The following ANO2 variants were observed in gnomAD, a reference collection of about 807,000 sequenced individuals.
ANO2 encodes the protein anoctamin-2.
In ANO2, 101 loss-of-function variants were observed where a neutral mutation model predicts 124.2. The observed-to-expected ratio is 0.81, with a 90% CI of 0.69 to 0.96. The LOEUF (loss-of-function observed/expected upper bound fraction) is 0.96, where lower values mean the gene tolerates loss of function less well. Among genes scored for constraint, ANO2 ranks in the 40% least tolerant of loss-of-function variants. ANO2 has a pLI of 0.00. For synonymous variants in ANO2, 486 were observed against 482.5 expected (o/e 1.01, Z -0.09); for missense variants, 1,293 against 1,274.5 (o/e 1.01, Z -0.22).
At chr12:5,746,875 C>T (rs1253512722) in intron 11 of ANO2, among the ~76,000 whole-genome samples, 1 of 152,146 alleles carries the variant, frequency 6.6e-6, no homozygotes, top group Non-Finnish European at 1.5e-5. Flanking sequence ...AAAAAATGTC[C>T]TAGTGTTCTC....
chr12:5,746,943 G>T (rs1199039055), intron 11 of ANO2, among the ~76,000 whole-genome samples: 2 of 152,208 alleles, frequency 1.3e-5, no homozygotes, highest in Admixed American at 6.5e-5. Flanking sequence ...AGACAGGGAA[G>T]TTCTATAGAG....
intron 20 of ANO2, among the ~76,000 whole-genome samples, chr12:5,596,183 T>C (rs1192289064): frequency 1.3e-5 from 2 of 152,148 alleles, no homozygotes; most frequent in African/African-American, 4.8e-5. Context: ...AAGATCAGCC[T>C]GAGCAACAAA....
At chr12:5,638,456 C>T (rs903780404) in intron 15 of ANO2, among the ~76,000 whole-genome samples, 3 of 85,164 alleles carry the variant, frequency 3.5e-5, no homozygotes, top group Non-Finnish European at 8.1e-5. Flanking sequence ...AGGATGGTCT[C>T]GATCTCCTGA....
chr12:5,920,036 AATGGATGGATGGATGG>A lies in ANO2; in HGVS notation c.534+988_534+1003del, dbSNP rs558209463. ...TTAAAGGATCACTGTGGTGTGGATA[AATGGATGGATGGATGG>A]ATGGATGGATGGATGGATGGATGGA... On this transcript the variant is annotated intron_variant, in intron 3 of 24. Transcript: ENST00000682330. 3.5e-3 allele frequency among the ~76,000 whole-genome samples: 506 copies of A among 145,622 alleles called. 1 individual carries two copies. Among genetic ancestry groups the A allele is most frequent in the African/African-American group, 5.4e-3 (212 of 39,624 alleles).
chr12:5,669,893 C>G (rs1242915483), intron 14 of ANO2, among the ~76,000 whole-genome samples: 2 of 152,214 alleles, frequency 1.3e-5, no homozygotes, highest in Non-Finnish European at 2.9e-5. Flanking sequence ...GAAAGTAACT[C>G]ACTAAGTGTC....
At chr12:5,832,158 C>G (rs10774376) in intron 5 of ANO2, among the ~76,000 whole-genome samples, 121,777 of 152,180 alleles carry the variant, frequency 0.8, 49,033 homozygotes, top group East Asian at 0.98. Flanking sequence ...CTTTCTCACA[C>G]AGTTCCAAAG....
intron 3 of ANO2, among the ~76,000 whole-genome samples, chr12:5,882,725 G>C (rs983055413): frequency 6.6e-6 from 1 of 152,176 alleles, no homozygotes; most frequent in Non-Finnish European, 1.5e-5. Context: ...CAGCCAAGTC[G>C]CCCACATCCC....
At chr12:5,638,932 C>T (rs565313906) in intron 15 of ANO2, among the ~76,000 whole-genome samples, 24 of 152,272 alleles carry the variant, frequency 1.6e-4, no homozygotes, top group Admixed American at 1.1e-3. Flanking sequence ...CGCCACCCTC[C>T]GGAACTTGCA....
chr12:5,718,166 C>T (rs777884755), intron 14 of ANO2, among the ~76,000 whole-genome samples: 108 of 152,346 alleles, frequency 7.1e-4, no homozygotes, highest in African/African-American at 1.5e-3. Context: ...ATGTGCTCCA[C>T]GTTCTGAAAC....
chr12:5,938,592 A>T (rs1385749403), intron 1 of ANO2, among the ~76,000 whole-genome samples: 1 of 152,144 alleles, frequency 6.6e-6, no homozygotes, highest in Admixed American at 6.5e-5. Flanking sequence ...AGATCGAAGC[A>T]AATGGATTAC....
intron 1 of ANO2, among the ~76,000 whole-genome samples, chr12:5,935,897 C>T (rs1051873821): frequency 1.3e-5 from 2 of 152,180 alleles, no homozygotes; most frequent in Admixed American, 1.3e-4. Flanking sequence ...CTAACAGAGT[C>T]AAAACAGGGA....
In ANO2 at chr12:5,807,347, T is replaced by C. The variant is rs763455001; in HGVS notation, c.914A>G (p.Asn305Ser). Residue 305 changes from asparagine (N) to serine (S), a missense_variant, in exon 8 of 25, where the codon AAC becomes AGC. Physicochemically the swap from Asn to Ser is conservative, Grantham distance 46. Transcript: ENST00000682330. ...AGGGTAGGCAGCCTCATAGATATTGTTTGCGATCAGAGAGTTAATACCTAC... is the reference window on the plus strand; with the variant it reads ...AGGGTAGGCAGCCTCATAGATATTGCTTGCGATCAGAGAGTTAATACCTAC... ...NTMGINSLIA[N>S]NIYEAAYPLH... 24 of 1,556,944 alleles carry C rather than the reference T, an allele frequency of 1.5e-5. No homozygotes were observed. In the East Asian group the frequency reaches 4.6e-4, roughly 30 times the overall value.
rs759781524 is a variant in ANO2, at chr12:5,750,804, C to T, written c.1190+32G>A. 3.8e-6 allele frequency: 6 copies of T among 1,598,784 alleles called. No individual in the cohort carries two copies. The Admixed American group carries it at 1.0e-4, about 28-fold the overall frequency. ...GAAACTCCAAATTATTAACATATGG[C>T]AACTGAGCCCTTTTCTTTAAAACTG... On this transcript the variant is annotated intron_variant, in intron 11 of 24. Transcript: ENST00000682330.
At chr12:5,745,871 TAG>T (rs1394273146) in intron 11 of ANO2, among the ~76,000 whole-genome samples, 3 of 152,236 alleles carry the variant, frequency 2.0e-5, no homozygotes, top group Non-Finnish European at 4.4e-5. Context: ...GCTGGGTGAC[TAG>T]AGAGCCCAGT....
chr12:5,881,792 G>C (rs1270689391), intron 3 of ANO2: 1 of 152,228 alleles, frequency 6.6e-6, no homozygotes, highest in African/African-American at 2.4e-5. Flanking sequence ...TCAGCTGGAA[G>C]AATGTTCCTT....
rs189500377 is a variant in ANO2 at position 5,740,164 on chromosome 12, G to A, written c.1352-765C>T. 2.6e-4 allele frequency: 91 copies of A among 348,312 alleles called. No homozygotes were observed. The East Asian group carries it at 6.7e-3, about 26-fold the overall frequency. The allele number at this position is 348,312 out of a possible 1,614,324, so 21.6% of individuals were successfully genotyped here. A position where few individuals can be genotyped will look rare whatever the true frequency, so the allele number is the denominator to read the frequency against. Reference sequence around the variant, plus strand: ...AGCCATGGTTTGTTATACCAGGGCTGAACATCTGATGCAGGGCCTGCTGAT... The same window carrying A: ...AGCCATGGTTTGTTATACCAGGGCTAAACATCTGATGCAGGGCCTGCTGAT... On this transcript the variant is annotated intron_variant, in intron 12 of 24. Transcript: ENST00000682330.
intron 3 of ANO2, among the ~76,000 whole-genome samples, chr12:5,901,611 G>T (rs1940215747): frequency 6.6e-6 from 1 of 152,246 alleles, no homozygotes; most frequent in Non-Finnish European, 1.5e-5. Context: ...ACGACTGCAT[G>T]ATTCTGCAGA....
At chr12:5,697,235 C>A (rs1238030366) in intron 14 of ANO2, among the ~76,000 whole-genome samples, 1 of 152,038 alleles carries the variant, frequency 6.6e-6, no homozygotes, top group Non-Finnish European at 1.5e-5. Context: ...AGATCAAGAC[C>A]ATCCTGGCCA....
chr12:5,790,932 C>T (rs1011428023), intron 10 of ANO2, among the ~76,000 whole-genome samples: 3 of 152,122 alleles, frequency 2.0e-5, no homozygotes, highest in Non-Finnish European at 2.9e-5. Flanking sequence ...CGTCCCCAAA[C>T]AAGCAAGGAG....
Sources: gnomAD v4.1 joint callset for allele counts (sites outside exome capture counted in the v4.1 genomes callset) on GRCh38, gnomAD v4.1.1 for gene constraint, MANE v1.5 for transcripts, NCBI Gene and HGNC (gene_info 2026-07-23, HGNC 2026-07-21) for gene names.